The following RASGRP2 variants were observed in gnomAD, a reference collection of about 807,000 sequenced individuals.
RASGRP2 encodes the protein RAS guanyl-releasing protein 2.
RASGRP2 carries 44 observed loss-of-function variants against 71.0 expected under a neutral mutation model. The ratio of observed to expected loss-of-function variants is 0.62; its 90% CI spans 0.49 to 0.80. The LOEUF (loss-of-function observed/expected upper bound fraction) is 0.80. Among genes scored for constraint, RASGRP2 ranks in the 30% least tolerant of loss-of-function variants. RASGRP2 has a pLI of 0.00. For missense variants in RASGRP2, 663 were observed against 813.4 expected, an observed-to-expected ratio of 0.82 and a Z score of 2.25; for synonymous variants, 350 against 330.7, an observed-to-expected ratio of 1.06 and a Z score of -0.63.
In RASGRP2 at chr11:64,735,602, C is replaced by T. The variant is rs760036449; in HGVS notation, c.1236G>A (p.Ser412=). ...PRPPVLEEWT[S]AAKPKLDQAL... ...CCTGATCCAGCTTGGGTTTGGCAGC[C>T]GAGGTCCACTCCTCCAGTACCGGGG... The change falls in exon 11 of 17, where the codon TCG becomes TCA. Residue 412 remains serine, a synonymous_variant. Coordinates refer to ENST00000394432, the MANE Select transcript of RASGRP2 (RefSeq NM_001098671.2). The surrounding 1 kb of genome is among the most constrained non-coding windows in gnomAD (Gnocchi z 4.2). 19 of 1,613,988 alleles carry T rather than the reference C, an allele frequency of 1.2e-5. No homozygotes were observed. Among genetic ancestry groups the T allele is most frequent in the East Asian group, 6.7e-5 (3 of 44,888 alleles).
chr11:64,733,108 G>C (rs2057814064), intron 12 of RASGRP2, among the ~76,000 whole-genome samples: 1 of 151,912 alleles, frequency 6.6e-6, no homozygotes, highest in South Asian at 2.1e-4. Context: ...CTGAGCGACA[G>C]AGTGAGACTC....
intron 13 of RASGRP2, 121 bp from the exon 14 acceptor site, chr11:64,729,919 G>A (rs2057706277): frequency 7.1e-6 from 11 of 1,557,540 alleles, no homozygotes; most frequent in Admixed American, 5.4e-5. Context: ...CAGAACCACA[G>A]GAGGAGAGGC....
At chr11:64,736,489 C>T in intron 9 of RASGRP2, among the ~76,000 whole-genome samples, 1 of 152,156 alleles carries the variant, frequency 6.6e-6, no homozygotes, top group East Asian at 1.9e-4. Context: ...TAGAACACAG[C>T]CCATTGCCAG....
At chr11:64,727,490 A>G (rs2057604273) in intron 15 of RASGRP2, 130 bp from the exon 16 acceptor site, 1 of 693,970 alleles carries the variant, frequency 1.4e-6, no homozygotes, top group Non-Finnish European at 2.5e-6. Context: ...AATTCCCTGC[A>G]TGACCTCACA....
intron 8 of RASGRP2, 48 bp from the exon 9 acceptor site, chr11:64,737,082 A>G (rs1234072004): frequency 1.2e-6 from 2 of 1,606,328 alleles, no homozygotes; most frequent in Non-Finnish European, 1.7e-6. Flanking sequence ...TATCCTCCCT[A>G]CCTCAGCCCT....
chr11:64,743,602 G>T lies in RASGRP2; in HGVS notation c.-72+401C>A. ...TGAGCCTGGGAACTGAGCGCTCCCA[G>T]GCCACCTCCGCAAAGGTCCCAGGGG... is the stretch of plus-strand genomic sequence containing the variant. On this transcript the variant is annotated intron_variant, in intron 1 of 16. Transcript: ENST00000394432. The surrounding 1 kb of genome is among the most constrained non-coding windows in gnomAD (Gnocchi z 4.9). 2.6e-6 allele frequency: 1 copy of T among 384,268 alleles called. No individual in the cohort carries two copies. Among genetic ancestry groups the T allele is most frequent in the Non-Finnish European group, 5.1e-6 (1 of 197,722 alleles). 23.8% of individuals were successfully genotyped at this position (384,268 alleles called of 1,614,324 possible). A position where few individuals can be genotyped will look rare whatever the true frequency, so the allele number is the denominator to read the frequency against.
intron 16 of RASGRP2, 24 bp from the exon 17 acceptor site, chr11:64,727,155 G>A: frequency 1.5e-6 from 1 of 688,446 alleles, no homozygotes; most frequent in African/African-American, 1.8e-5. Context: ...AACAGGTTGT[G>A]AGGAAGACAC....
rs1355870366 is a variant in RASGRP2 at position 64,741,028 on chromosome 11, A to G, written c.291T>C (p.Ala97=). The G allele has an allele frequency of 2.5e-6, 4 of 1,613,526 alleles. No homozygotes were observed. Among genetic ancestry groups the G allele is most frequent in the South Asian group, 2.2e-5 (2 of 91,058 alleles). Residue 97 remains alanine (A), a synonymous_variant, in exon 5 of 17, where the codon GCT becomes GCC. Coordinates refer to ENST00000394432, the MANE Select transcript of RASGRP2 (RefSeq NM_001098671.2). ...GAGCCTTCAGCTCCTTGATCTGCTC[A>G]GCCAACTCCGGGTTCAAGTCAAACT... ...PAEFDLNPEL[A]EQIKELKALL...
chr11:64,742,564 C>T lies in RASGRP2; in HGVS notation c.73+230G>A. ...AAGTGTCAGAGTCCGGGACCCGGCC[C>T]TCCCTTCGCCGCCGCTGGGGAAGGC... is the stretch of plus-strand genomic sequence containing the variant. On this transcript the variant is annotated intron_variant, in intron 2 of 16. Transcript: ENST00000394432. This position sits in a 1 kb window ranked among gnomAD's most constrained non-coding sequence, Gnocchi z 4.7. 1 of 625,500 alleles carries T rather than the reference C, an allele frequency of 1.6e-6. No homozygotes were observed. The highest frequency in any genetic ancestry group is 2.8e-6 in the Non-Finnish European group (1 of 357,844). The allele number at this position is 625,500 out of a possible 1,614,324, so 38.7% of individuals were successfully genotyped here.
At position 64,739,950 on chromosome 11, in the gene RASGRP2, C is replaced by T; in HGVS notation, c.522+63G>A. ...GACCCAGCCTACGCCAGGGACCCTG[C>T]CCCTCCTAGAACTCTCTTCCAGCCC... On this transcript the variant is annotated intron_variant, in intron 6 of 16. Coordinates refer to ENST00000394432, the MANE Select transcript of RASGRP2 (RefSeq NM_001098671.2). The surrounding 1 kb of genome is among the most constrained non-coding windows in gnomAD (Gnocchi z 4.2). 1 of 1,611,770 alleles carries T rather than the reference C, an allele frequency of 6.2e-7. No individual in the cohort carries two copies. The highest frequency in any genetic ancestry group is 8.5e-7 in the Non-Finnish European group (1 of 1,178,726).
At chr11:64,736,512 G>A (rs572072058) in intron 9 of RASGRP2, among the ~76,000 whole-genome samples, 1 of 152,154 alleles carries the variant, frequency 6.6e-6, no homozygotes, top group South Asian at 2.1e-4. Context: ...CTCAACCCGG[G>A]ACCCAGGCCC....
Position 64,735,170 on chromosome 11 carries a change from G to A in RASGRP2, c.1354C>T (p.Gln452Ter). The change falls in exon 12 of 17, where the codon CAG (glutamine) becomes TAG (stop). Residue 452 changes from glutamine to a stop codon, truncating the protein, a stop_gained. Transcript: ENST00000394432. LOFTEE classifies it high-confidence loss of function. The surrounding 1 kb of genome is among the most constrained non-coding windows in gnomAD (Gnocchi z 4.2). ...TAAGGGAAGTTCCCACGGATGATCT[G>A]GAATTCTTCCTGTGAGATGTGGCCA... Reference protein sequence around the residue: ...GDGHISQEEFQIIRGNFPYLS... With the variant: ...GDGHISQEEF The A allele has an allele frequency of 6.2e-7, 1 of 1,614,188 alleles. No individual in the cohort carries two copies. The highest frequency in any genetic ancestry group is 8.5e-7 in the Non-Finnish European group (1 of 1,180,032).
rs1399432274 is a variant in RASGRP2 at position 64,730,048 on chromosome 11, C to CT, written c.1554+4dup. On this transcript the variant is annotated splice_donor_region_variant and intron_variant, in intron 13 of 16. Transcript: ENST00000394432. Reference sequence around the variant, plus strand: ...TGGGCCGTGAGCCGGGAAAGGGACTCTCACCAGGGCTTTGCAGTGGCGGCA... The same window carrying CT: ...TGGGCCGTGAGCCGGGAAAGGGACTCTTCACCAGGGCTTTGCAGTGGCGGCA... The CT allele has an allele frequency of 6.4e-7, 1 of 1,550,880 alleles. No individual in the cohort carries two copies. The highest frequency in any genetic ancestry group is 8.7e-7 in the Non-Finnish European group (1 of 1,147,770).
chr11:64,740,139 C>G lies in RASGRP2; in HGVS notation c.396G>C (p.Gln132His). 1.2e-6 allele frequency: 2 copies of G among 1,614,146 alleles called. No homozygotes were observed. Among genetic ancestry groups the G allele is most frequent in the Non-Finnish European group, 1.7e-6 (2 of 1,180,026 alleles). ...GTCCCACAGGGTTCCGCTGAGTCACCTGCCGCTTCCACTTGTAGGTAGGGC... is the reference window on the plus strand; with the variant it reads ...GTCCCACAGGGTTCCGCTGAGTCACGTGCCGCTTCCACTTGTAGGTAGGGC... ...DSVPTYKWKR[Q>H]VTQRNPVGQK... The change falls in exon 6 of 17, where the codon CAG becomes CAC. Residue 132 changes from glutamine to histidine, a missense_variant. Physicochemically the swap from Gln to His is conservative, Grantham distance 24 (BLOSUM62 0). Coordinates refer to ENST00000394432, the MANE Select transcript of RASGRP2 (RefSeq NM_001098671.2).
chr11:64,740,708 G>A, intron 5 of RASGRP2: 1 of 664,712 alleles, frequency 1.5e-6, no homozygotes. Flanking sequence ...TCAGCCGACG[G>A]GGAGCCGACC....
At position 64,743,285 on chromosome 11, in the gene RASGRP2, G is replaced by C; in HGVS notation, c.-71-348C>G. The C allele has an allele frequency of 2.1e-6, 1 of 469,684 alleles. No individual in the cohort carries two copies. Among genetic ancestry groups the C allele is most frequent in the Non-Finnish European group, 4.2e-6 (1 of 236,534 alleles). The allele number at this position is 469,684 out of a possible 1,614,324, so 29.1% of individuals were successfully genotyped here. A position where few individuals can be genotyped will look rare whatever the true frequency, so the allele number is the denominator to read the frequency against. ...AGGCACCTGCAGCACCCCGCAGCTC[G>C]GCTCTGCGCCCCTCCCGCTTCCCTC... On this transcript the variant is annotated intron_variant, in intron 1 of 16. Coordinates refer to ENST00000394432, the MANE Select transcript of RASGRP2 (RefSeq NM_001098671.2). This position sits in a 1 kb window ranked among gnomAD's most constrained non-coding sequence, Gnocchi z 4.9.
chr11:64,744,341 G>A (rs114158981), upstream of RASGRP2: 1,703 of 983,078 alleles, frequency 1.7e-3, 19 homozygotes, highest in African/African-American at 0.026. Flanking sequence ...ACTCCCCCAG[G>A]CTGGAGGACA....
chr11:64,737,055 A>T (rs777158458), intron 8 of RASGRP2, 21 bp from the exon 9 acceptor site: 1 of 1,613,138 alleles, frequency 6.2e-7, no homozygotes, highest in Non-Finnish European at 8.5e-7. Flanking sequence ...AGGACAGAGG[A>T]GTCATACCCC....
Position 64,743,123 on chromosome 11 carries a change from G to A in RASGRP2, c.-71-186C>T. On this transcript the variant is annotated intron_variant, in intron 1 of 16. Coordinates refer to ENST00000394432, the MANE Select transcript of RASGRP2 (RefSeq NM_001098671.2). The surrounding 1 kb of genome is among the most constrained non-coding windows in gnomAD (Gnocchi z 4.9). ...AACCCGCCAGTTGGGAAACGGACCCGCAGAGAGGCTTCCGGCCCACCCTCG... is the reference window on the plus strand; with the variant it reads ...AACCCGCCAGTTGGGAAACGGACCCACAGAGAGGCTTCCGGCCCACCCTCG... 2.9e-6 allele frequency: 2 copies of A among 700,874 alleles called. No homozygotes were observed. Among genetic ancestry groups the A allele is most frequent in the Non-Finnish European group, 5.1e-6 (2 of 393,476 alleles). 43.4% of individuals were successfully genotyped at this position (700,874 alleles called of 1,614,324 possible).
Sources: gnomAD v4.1 joint callset for allele counts (sites outside exome capture counted in the v4.1 genomes callset) on GRCh38, gnomAD v4.1.1 for gene constraint, Gnocchi (gnomAD v3.1) non-coding constraint, MANE v1.5 for transcripts, NCBI Gene and HGNC (gene_info 2026-07-23, HGNC 2026-07-21) for gene names.